The following STARD13 variants were observed in gnomAD, a reference collection of about 807,000 sequenced individuals.
STARD13 encodes stAR-related lipid transfer protein 13.
A neutral mutation model predicts 106.4 loss-of-function variants in STARD13; 62 were observed. The observed-to-expected ratio is 0.58, with a 90% CI of 0.48 to 0.72. The LOEUF is 0.72. STARD13 is among the 30% of genes least tolerant of loss of function. STARD13 has a pLI of 0.00. For synonymous variants in STARD13, 565 were observed against 553.0 expected, an observed-to-expected ratio of 1.02 and a Z score of -0.31; for missense variants, 1,387 against 1,424.0, an observed-to-expected ratio of 0.97 and a Z score of 0.42.
At chr13:33,557,769 A>T in the STARD13 span, among the ~76,000 whole-genome samples, 1 of 152,206 alleles carries the variant, frequency 6.6e-6, no homozygotes, top group Non-Finnish European at 1.5e-5. Flanking sequence ...AAGCCAAGGT[A>T]TAAGTCCTTG....
the STARD13 span, chr13:33,659,985 A>G: frequency 3.3e-5 from 5 of 152,306 alleles, no homozygotes; most frequent in East Asian, 9.6e-4. Flanking sequence ...CTTTGATAAC[A>G]ATCTTCATTA....
intron 7 of STARD13, among the ~76,000 whole-genome samples, chr13:33,123,833 C>T (rs1223652276): frequency 6.6e-6 from 1 of 152,206 alleles, no homozygotes; most frequent in African/African-American, 2.4e-5. Flanking sequence ...GAGAAGGGCC[C>T]ATCGCACTGC....
At chr13:33,604,021 A>G in the STARD13 span, among the ~76,000 whole-genome samples, 3 of 152,206 alleles carry the variant, frequency 2.0e-5, no homozygotes, top group Non-Finnish European at 4.4e-5. Flanking sequence ...TAAGTAGATT[A>G]AAATAGGTAG....
chr13:33,582,607 T>A, the STARD13 span, among the ~76,000 whole-genome samples: 1 of 152,198 alleles, frequency 6.6e-6, no homozygotes, highest in Non-Finnish European at 1.5e-5. Flanking sequence ...ATCACATCAT[T>A]TATTTTTGAT....
chr13:33,613,855 C>T, the STARD13 span, among the ~76,000 whole-genome samples: 1 of 152,186 alleles, frequency 6.6e-6, no homozygotes. Context: ...CACAAAAGAA[C>T]TTCCAGGTCC....
the STARD13 span, among the ~76,000 whole-genome samples, chr13:33,396,580 C>T: frequency 6.6e-6 from 1 of 152,088 alleles, no homozygotes; most frequent in Non-Finnish European, 1.5e-5. Context: ...TATTATTCTA[C>T]CCCATTTTAA....
At chr13:33,565,492 T>C in the STARD13 span, among the ~76,000 whole-genome samples, 4 of 148,182 alleles carry the variant, frequency 2.7e-5, no homozygotes, top group Non-Finnish European at 4.5e-5. Context: ...AGAAAAAATA[T>C]GTATTTTGAT....
At chr13:33,123,044 A>T (rs1367336607) in intron 7 of STARD13, among the ~76,000 whole-genome samples, 2 of 126,346 alleles carry the variant, frequency 1.6e-5, no homozygotes, top group South Asian at 2.8e-4. Flanking sequence ...TGACAGAGCA[A>T]GACTCCATCT....
chr13:33,575,557 C>T, the STARD13 span, among the ~76,000 whole-genome samples: 1 of 152,126 alleles, frequency 6.6e-6, no homozygotes, highest in Non-Finnish European at 1.5e-5. Context: ...ATGGTCAGAT[C>T]CCCCATGAAT....
the STARD13 span, among the ~76,000 whole-genome samples, chr13:33,446,050 A>G: frequency 6.6e-6 from 1 of 152,112 alleles, no homozygotes. Context: ...AAAAAAGAAA[A>G]TAAAATATTT....
the STARD13 span, among the ~76,000 whole-genome samples, chr13:33,669,897 T>G: frequency 6.6e-6 from 1 of 152,218 alleles, no homozygotes; most frequent in Non-Finnish European, 1.5e-5. Context: ...TGTCCAAATG[T>G]ACTTTGTTAC....
chr13:33,349,785 C>A (rs1362882765), intron 1 of STARD13, among the ~76,000 whole-genome samples: 1 of 152,374 alleles, frequency 6.6e-6, no homozygotes, highest in East Asian at 1.9e-4. Context: ...ACATCCCCCC[C>A]TCTACCCCCG....
At chr13:33,274,297 G>T (rs889551610) in intron 1 of STARD13, among the ~76,000 whole-genome samples, 2 of 151,994 alleles carry the variant, frequency 1.3e-5, no homozygotes, top group African/African-American at 2.4e-5. Context: ...CAATACGACT[G>T]GTGTCTTTAC....
At chr13:33,253,385 G>A (rs766729161) in intron 1 of STARD13, among the ~76,000 whole-genome samples, 3 of 152,178 alleles carry the variant, frequency 2.0e-5, no homozygotes, top group Admixed American at 6.5e-5. Context: ...AATGGACAGC[G>A]TAAACATGCC....
chr13:33,544,909 G>A, the STARD13 span, among the ~76,000 whole-genome samples: 1 of 151,560 alleles, frequency 6.6e-6, no homozygotes. Flanking sequence ...GAGTAGCTGG[G>A]ACTACAGGCG....
At chr13:33,296,184 G>T (rs1892485837) in intron 1 of STARD13, among the ~76,000 whole-genome samples, 1 of 151,612 alleles carries the variant, frequency 6.6e-6, no homozygotes, top group Non-Finnish European at 1.5e-5. Context: ...AGCTGAGATG[G>T]TGCCACTGCA....
At chr13:33,143,574 A>G (rs534467956) in intron 3 of STARD13, among the ~76,000 whole-genome samples, 2 of 151,760 alleles carry the variant, frequency 1.3e-5, no homozygotes, top group Non-Finnish European at 2.9e-5. Context: ...GTTTTTTGAG[A>G]CGGAGTCTCA....
At chr13:33,133,330 A>G (rs1438602937) in intron 4 of STARD13, among the ~76,000 whole-genome samples, 7 of 152,238 alleles carry the variant, frequency 4.6e-5, no homozygotes, top group Non-Finnish European at 1.5e-5. Context: ...TTACAGCCCA[A>G]CTAAGGCATG....
chr13:33,404,773 CTT>C, the STARD13 span, among the ~76,000 whole-genome samples: 67 of 122,226 alleles, frequency 5.5e-4, no homozygotes, highest in Middle Eastern at 8.3e-3. Flanking sequence ...ACCTCTGGGA[CTT>C]TTTTTTTTTT....
Sources: gnomAD v4.1 joint callset for allele counts (sites outside exome capture counted in the v4.1 genomes callset) on GRCh38, gnomAD v4.1.1 for gene constraint, MANE v1.5 for transcripts, NCBI Gene and HGNC (gene_info 2026-07-23, HGNC 2026-07-21) for gene names.